Variants in MATN2 observed in about 807,000 individuals in gnomAD.
MATN2 encodes the protein matrilin-2.
MATN2 carries 69 observed loss-of-function variants against 103.2 expected under a neutral mutation model. That is an observed-to-expected ratio of 0.67 (90% CI 0.55 to 0.82). The LOEUF (loss-of-function observed/expected upper bound fraction) is 0.82, where lower values mean the gene tolerates loss of function less well. Among genes scored for constraint, MATN2 ranks in the 40% least tolerant of loss-of-function variants. The pLI, the probability that MATN2 is intolerant of heterozygous loss-of-function variation, is 0.00. For synonymous variants in MATN2, 429 were observed against 450.2 expected, an observed-to-expected ratio of 0.95 and a Z score of 0.60; for missense variants, 1,023 against 1,211.5, an observed-to-expected ratio of 0.84 and a Z score of 2.31.
rs960576600 is a variant in MATN2 at position 98,027,694 on chromosome 8, A to G, written c.2221A>G (p.Met741Val). The change falls in exon 14 of 19, where the codon ATG (methionine) becomes GTG (valine). Residue 741 changes from methionine (M) to valine (V), a missense_variant. Physicochemically the swap from Met to Val is conservative, Grantham distance 21. Coordinates refer to ENST00000254898, the MANE Select transcript of MATN2 (RefSeq NM_002380.5). ...GSMTGLALKHMFERSFTQGEG... is the reference protein window; with the variant it reads ...GSMTGLALKHVFERSFTQGEG... The stretch of plus-strand genomic sequence containing the variant: ...TATGACTGGGCTGGCCCTGAAACAC[A>G]TGTTTGAGAGAAGTTTTACCCAAGG... 6.2e-7 allele frequency: 1 copy of G among 1,613,866 alleles called. No individual in the cohort carries two copies. Among genetic ancestry groups the G allele is most frequent in the Non-Finnish European group, 8.5e-7 (1 of 1,179,834 alleles).
chr8:97,888,023 G>C, intron 1 of MATN2, 52 bp from the exon 2 acceptor site: 2 of 1,548,452 alleles, frequency 1.3e-6, no homozygotes, highest in Non-Finnish European at 1.7e-6. Flanking sequence ...CTGGAGTTCA[G>C]GGAGACCCGG....
intron 13 of MATN2, among the ~76,000 whole-genome samples, chr8:98,023,686 AATAAAAAATAAAT>A (rs1191570559): frequency 6.6e-6 from 1 of 152,134 alleles, no homozygotes; most frequent in Non-Finnish European, 1.5e-5. Flanking sequence ...AAATTTTTTT[AATAAAAAATAAAT>A]AAAGGTGTTG....
intron 2 of MATN2, among the ~76,000 whole-genome samples, chr8:97,913,274 G>A (rs918119347): frequency 1.3e-5 from 2 of 152,050 alleles, no homozygotes; most frequent in Non-Finnish European, 2.9e-5. Context: ...GGGAGAGTTG[G>A]GAGTTCATGC....
At chr8:97,874,014 A>G (rs1241845565) in intron 1 of MATN2, among the ~76,000 whole-genome samples, 3 of 152,044 alleles carry the variant, frequency 2.0e-5, no homozygotes, top group Non-Finnish European at 2.9e-5. Context: ...CTCCTCTTCC[A>G]TTTCTAGTGA....
At chr8:97,892,534 A>T (rs1006743364) in intron 2 of MATN2, among the ~76,000 whole-genome samples, 6 of 152,064 alleles carry the variant, frequency 3.9e-5, no homozygotes, top group African/African-American at 1.4e-4. Flanking sequence ...TCAATCTGTC[A>T]TGAAATGTTT....
At chr8:97,997,866 C>A (rs934333041) in intron 7 of MATN2, among the ~76,000 whole-genome samples, 1 of 143,140 alleles carries the variant, frequency 7.0e-6, no homozygotes, top group Admixed American at 7.3e-5. Flanking sequence ...ATTGCCCAGG[C>A]TGGAGTGCAG....
At chr8:98,022,839 G>A (rs1813652346) in intron 13 of MATN2, among the ~76,000 whole-genome samples, 3 of 152,290 alleles carry the variant, frequency 2.0e-5, no homozygotes, top group South Asian at 2.1e-4. Context: ...TGTAATCCCA[G>A]CACTTTGGGA....
At chr8:97,878,788 T>C (rs952897722) in intron 1 of MATN2, among the ~76,000 whole-genome samples, 1 of 151,498 alleles carries the variant, frequency 6.6e-6, no homozygotes, top group African/African-American at 2.4e-5. Context: ...GAGGTGGAGG[T>C]TGCAGTGAGC....
Position 98,036,554 on chromosome 8 carries a change from C to T in MATN2, c.*842C>T, listed in dbSNP as rs958745466. ...ATTTCAGCCCATACATACAAAGAGA[C>T]CTGCATAAGAATGTTACTAGGCTTT... On this transcript the variant is annotated 3_prime_UTR_variant, in exon 19 of 19. Transcript: ENST00000254898. 6.6e-6 allele frequency: 1 copy of T among 152,196 alleles called. No individual in the cohort carries two copies. The highest frequency in any genetic ancestry group is 2.4e-5 in the African/African-American group (1 of 41,500). 9.4% of individuals were successfully genotyped at this position (152,196 alleles called of 1,614,324 possible).
At chr8:97,877,681 C>A (rs1818122329) in intron 1 of MATN2, among the ~76,000 whole-genome samples, 1 of 151,954 alleles carries the variant, frequency 6.6e-6, no homozygotes, top group Non-Finnish European at 1.5e-5. Flanking sequence ...AATGCAATTC[C>A]ACCTGCAGAA....
intron 2 of MATN2, among the ~76,000 whole-genome samples, chr8:97,919,185 AT>A (rs1187844968): frequency 6.6e-6 from 1 of 152,160 alleles, no homozygotes; most frequent in Admixed American, 6.5e-5. Flanking sequence ...GAGTTCTCAA[AT>A]TTGTTGTGCT....
intron 3 of MATN2, among the ~76,000 whole-genome samples, chr8:97,941,153 C>G (rs1177478899): frequency 2.1e-5 from 2 of 95,358 alleles, no homozygotes; most frequent in African/African-American, 8.6e-5. Flanking sequence ...CAGAGCAAGA[C>G]CTTGTCTCAA....
chr8:97,936,787 G>A (rs952938937), intron 3 of MATN2, among the ~76,000 whole-genome samples: 2 of 152,152 alleles, frequency 1.3e-5, no homozygotes, highest in South Asian at 4.1e-4. Flanking sequence ...GGCTCTCACC[G>A]CAAAGGCCCA....
At position 97,954,589 on chromosome 8, in the gene MATN2, C is replaced by T. The variant is rs115440327; in HGVS notation, c.836-6819C>T. 6.4e-3 allele frequency among the ~76,000 whole-genome samples: 977 copies of T among 152,290 alleles called. 10 individuals carry two copies. Among genetic ancestry groups the T allele is most frequent in the African/African-American group, 0.02 (842 of 41,564 alleles). ...ATGCACATCATTGTGTGAGTCAGTA[C>T]GAGCTGCCTCTAGCACATGACTGGC... is the stretch of plus-strand genomic sequence containing the variant. On this transcript the variant is annotated intron_variant, in intron 4 of 18. Coordinates refer to ENST00000254898, the MANE Select transcript of MATN2 (RefSeq NM_002380.5).
intron 13 of MATN2, among the ~76,000 whole-genome samples, chr8:98,024,470 A>C (rs1813714536): frequency 6.6e-6 from 1 of 152,206 alleles, no homozygotes; most frequent in African/African-American, 2.4e-5. Context: ...GCACCACTGC[A>C]CTCCAGCCTG....
chr8:97,912,810 A>G (rs1261114777), intron 2 of MATN2, among the ~76,000 whole-genome samples: 1 of 152,174 alleles, frequency 6.6e-6, no homozygotes, highest in African/African-American at 2.4e-5. Flanking sequence ...TGAGGCATCA[A>G]AGAGGCCAAG....
At chr8:97,992,745 C>CAAAAAAAAAAAAAAAAAAAAAAAAAAA (rs58985201) in intron 6 of MATN2, among the ~76,000 whole-genome samples, 2 of 49,580 alleles carry the variant, frequency 4.0e-5, no homozygotes, top group African/African-American at 1.8e-4. Context: ...GACTCCATCT[C>CAAAAAAAAAAAAAAAAAAAAAAAAAAA]AAAAAAAAAA....
intron 1 of MATN2, among the ~76,000 whole-genome samples, chr8:97,878,580 T>A (rs1053866757): frequency 6.7e-6 from 1 of 150,084 alleles, no homozygotes; most frequent in Non-Finnish European, 1.5e-5. Flanking sequence ...CCAGGCATGG[T>A]CGCTCATGCC....
At chr8:98,028,792 T>A (rs1245672709) in intron 14 of MATN2, among the ~76,000 whole-genome samples, 2 of 152,290 alleles carry the variant, frequency 1.3e-5, no homozygotes, top group African/African-American at 4.8e-5. Flanking sequence ...TTTCACCGTG[T>A]TAGCCAGGAT....
Sources: allele counts gnomAD v4.1 joint callset (sites outside exome capture counted in the v4.1 genomes callset), GRCh38; gene constraint gnomAD v4.1.1; transcripts MANE v1.5; gene names NCBI Gene and HGNC (gene_info 2026-07-23, HGNC 2026-07-21).